Variants in CLTA observed in about 807,000 individuals in gnomAD.
CLTA encodes the protein clathrin light chain A.
A neutral mutation model predicts 26.9 loss-of-function variants in CLTA; 9 were observed. The ratio of observed to expected loss-of-function variants is 0.33; its 90% CI spans 0.20 to 0.58. The LOEUF (loss-of-function observed/expected upper bound fraction) is 0.58, where lower values mean the gene tolerates loss of function less well. Ranked by LOEUF, CLTA falls within the 20% of genes least tolerant of loss-of-function variation. CLTA has a pLI of 0.85. For missense variants in CLTA, 278 were observed against 294.2 expected (o/e 0.94, Z 0.40); for synonymous variants, 120 against 115.5 (o/e 1.04, Z -0.25).
intron 2 of CLTA, among the ~76,000 whole-genome samples, chr9:36,198,649 C>G (rs1827196178): frequency 6.6e-6 from 1 of 150,768 alleles, no homozygotes; most frequent in Non-Finnish European, 1.5e-5. Flanking sequence ...CCACTGCACT[C>G]CAGTCTGGGT....
intron 4 of CLTA, chr9:36,209,203 G>A: frequency 6.2e-7 from 1 of 1,603,974 alleles, no homozygotes; most frequent in Non-Finnish European, 8.5e-7. Flanking sequence ...AGATGTTTCT[G>A]CTTCTCAATG....
intron 2 of CLTA, 77 bp from the exon 3 acceptor site, chr9:36,198,902 G>T: frequency 1.1e-6 from 1 of 922,428 alleles, no homozygotes; most frequent in Non-Finnish European, 1.7e-6. Flanking sequence ...ACAGAACCAG[G>T]GGTTCTAACT....
intron 1 of CLTA, among the ~76,000 whole-genome samples, chr9:36,195,156 A>C (rs545783618): frequency 1.6e-4 from 24 of 152,370 alleles, no homozygotes; most frequent in African/African-American, 5.0e-4. Context: ...ACACAAAAAT[A>C]AATTCCAGGT....
chr9:36,196,342 C>CT (rs372357204), intron 1 of CLTA, among the ~76,000 whole-genome samples: 3,290 of 135,138 alleles, frequency 0.024, 70 homozygotes, highest in African/African-American at 0.055. Flanking sequence ...TTTCTTTTTT[C>CT]TTTTTTTTTT....
At chr9:36,196,427 A>G (rs1240852901) in intron 1 of CLTA, among the ~76,000 whole-genome samples, 1 of 146,930 alleles carries the variant, frequency 6.8e-6, no homozygotes, top group East Asian at 2.0e-4. Flanking sequence ...GCTCACTGCA[A>G]CCTCTGCCTC....
chr9:36,202,622 T>C (rs1435341201), intron 3 of CLTA, among the ~76,000 whole-genome samples: 1 of 152,222 alleles, frequency 6.6e-6, no homozygotes, highest in African/African-American at 2.4e-5. Context: ...CTATAACCTT[T>C]AGGAAATTCA....
intron 2 of CLTA, 61 bp from the exon 3 acceptor site, chr9:36,198,918 G>A: frequency 9.2e-7 from 1 of 1,083,890 alleles, no homozygotes; most frequent in African/African-American, 1.6e-5. Flanking sequence ...TAACTCAGGT[G>A]AAGTGCATTT....
chr9:36,210,410 T>C (rs190089223), intron 4 of CLTA, among the ~76,000 whole-genome samples: 2 of 152,300 alleles, frequency 1.3e-5, no homozygotes, highest in African/African-American at 2.4e-5. Flanking sequence ...ATTTGATTTC[T>C]GCACATTCTC....
chr9:36,192,807 T>G (rs1248006076), intron 1 of CLTA, among the ~76,000 whole-genome samples: 1 of 152,228 alleles, frequency 6.6e-6, no homozygotes, highest in African/African-American at 2.4e-5. Context: ...TTTAGTTGTT[T>G]TAGCAGGGGT....
At chr9:36,203,995 C>G in intron 3 of CLTA, 73 bp from the exon 4 acceptor site, 1 of 1,585,510 alleles carries the variant, frequency 6.3e-7, no homozygotes, top group African/African-American at 1.3e-5. Flanking sequence ...TTCAGCAAGA[C>G]CAAAATAAAC....
intron 1 of CLTA, among the ~76,000 whole-genome samples, chr9:36,193,898 AG>A (rs1826881501): frequency 6.6e-6 from 1 of 152,196 alleles, no homozygotes; most frequent in South Asian, 2.1e-4. Context: ...GGGGATATTG[AG>A]GAAGAACAGG....
At chr9:36,192,189 G>GAAT (rs1036624007) in intron 1 of CLTA, among the ~76,000 whole-genome samples, 4 of 152,186 alleles carry the variant, frequency 2.6e-5, no homozygotes, top group African/African-American at 9.7e-5. Context: ...AACTAAGGGA[G>GAAT]AATAGGGCAC....
In CLTA at chr9:36,201,738, C is replaced by T. The variant is rs185379257; in HGVS notation, c.374-2330C>T. On this transcript the variant is annotated intron_variant, in intron 3 of 4. Coordinates refer to ENST00000345519, the MANE Select transcript of CLTA (RefSeq NM_001833.4). Reference sequence around the variant, plus strand: ...AGGTATTGTCACATGGCACTTCCAGCCCACAGCTTCTCATTGCAGCATAGC... The same window carrying T: ...AGGTATTGTCACATGGCACTTCCAGTCCACAGCTTCTCATTGCAGCATAGC... 1.7e-4 allele frequency among the ~76,000 whole-genome samples: 26 copies of T among 152,308 alleles called. No individual in the cohort carries two copies. The East Asian group carries it at 4.2e-3, about 25-fold the overall frequency.
chr9:36,200,571 G>A (rs1827349065), intron 3 of CLTA, among the ~76,000 whole-genome samples: 1 of 152,212 alleles, frequency 6.6e-6, no homozygotes, highest in Admixed American at 6.5e-5. Flanking sequence ...AGATGACACA[G>A]CCAATTAGTG....
intron 3 of CLTA, among the ~76,000 whole-genome samples, chr9:36,203,238 G>A (rs1046210703): frequency 6.6e-6 from 1 of 152,142 alleles, no homozygotes; most frequent in African/African-American, 2.4e-5. Flanking sequence ...TTTCATGTTT[G>A]AGAATCCAAT....
intron 4 of CLTA, chr9:36,210,484 C>G (rs1487302719): frequency 7.2e-7 from 1 of 1,380,722 alleles, no homozygotes; most frequent in Non-Finnish European, 9.9e-7. Context: ...GGGTGGCCAG[C>G]AAAGCCAGCT....
At chr9:36,200,993 C>T (rs978999775) in intron 3 of CLTA, among the ~76,000 whole-genome samples, 1 of 152,156 alleles carries the variant, frequency 6.6e-6, no homozygotes, top group African/African-American at 2.4e-5. Flanking sequence ...TTTCATGTTA[C>T]AGAACCCAAA....
chr9:36,209,952 G>A (rs1300297467), intron 4 of CLTA, among the ~76,000 whole-genome samples: 1 of 152,176 alleles, frequency 6.6e-6, no homozygotes, highest in Non-Finnish European at 1.5e-5. Flanking sequence ...CTGATGTCCT[G>A]TCTCCTAGCA....
At chr9:36,205,715 T>A (rs2132930406) in intron 4 of CLTA, among the ~76,000 whole-genome samples, 1 of 152,070 alleles carries the variant, frequency 6.6e-6, no homozygotes, top group East Asian at 1.9e-4. Flanking sequence ...ATATTCTCTG[T>A]ATACAGAATC....
Sources: gnomAD v4.1 joint callset for allele counts (sites outside exome capture counted in the v4.1 genomes callset) on GRCh38, gnomAD v4.1.1 for gene constraint, MANE v1.5 for transcripts, NCBI Gene and HGNC (gene_info 2026-07-23, HGNC 2026-07-21) for gene names.